Variants in TTC28 observed in about 807,000 individuals in gnomAD.
The protein encoded by TTC28 is tetratricopeptide repeat protein 28.
In TTC28, 61 loss-of-function variants were observed where a neutral mutation model predicts 198.0. The ratio of observed to expected loss-of-function variants is 0.31; its 90% CI spans 0.25 to 0.38. TTC28 has a LOEUF of 0.38. Ranked by LOEUF, TTC28 falls within the 10% of genes least tolerant of loss-of-function variation. The probability of loss-of-function intolerance (pLI) is 1.00; values close to 1 mark genes in which losing one functional copy is unlikely to be tolerated. For synonymous variants in TTC28, 1,171 were observed against 1,297.8 expected (o/e 0.90, Z 2.10); for missense variants, 2,678 against 3,164.0 (o/e 0.85, Z 3.69).
intron 2 of TTC28, among the ~76,000 whole-genome samples, chr22:28,574,923 G>A (rs189485509): frequency 1.6e-3 from 243 of 151,866 alleles, no homozygotes; most frequent in Non-Finnish European, 2.1e-3. Context: ...TATTCTGATT[G>A]TTAATCCCTT....
chr22:28,673,149 C>T (rs908387063), intron 1 of TTC28, among the ~76,000 whole-genome samples: 3 of 152,074 alleles, frequency 2.0e-5, no homozygotes, highest in South Asian at 4.2e-4. Context: ...CTGAGGCGGG[C>T]GGATCACGAG....
chr22:28,352,646 A>G (rs1458139645), intron 2 of TTC28, among the ~76,000 whole-genome samples: 2 of 152,042 alleles, frequency 1.3e-5, no homozygotes, highest in African/African-American at 2.4e-5. Flanking sequence ...AGCAAGAGGT[A>G]CCCAGGCTGC....
At chr22:28,534,940 A>T (rs2049234329) in intron 2 of TTC28, among the ~76,000 whole-genome samples, 1 of 152,132 alleles carries the variant, frequency 6.6e-6, no homozygotes, top group Admixed American at 6.6e-5. Context: ...CAGGGGTAGT[A>T]TGAGGAGATA....
Position 28,001,587 on chromosome 22 carries a change from G to A in TTC28, c.4219-34C>T, listed in dbSNP as rs918683120. On this transcript the variant is annotated intron_variant, in intron 14 of 22. Transcript: ENST00000397906. ...CAAGCACGGAGAGGCTGACATGGGT[G>A]GCCCAGCAGGCAGGGGTTTCAGGCA... The A allele has an allele frequency of 2.1e-5, 32 of 1,536,544 alleles. 1 individual carries two copies. The highest frequency in any genetic ancestry group is 2.6e-5 in the Non-Finnish European group (30 of 1,136,930).
intron 2 of TTC28, among the ~76,000 whole-genome samples, chr22:28,619,376 A>T (rs542899514): frequency 6.6e-6 from 1 of 152,368 alleles, no homozygotes; most frequent in East Asian, 1.9e-4. Context: ...TTCAGCTAAT[A>T]AGGAGGAACA....
intron 2 of TTC28, among the ~76,000 whole-genome samples, chr22:28,346,531 A>G (rs888930573): frequency 6.6e-6 from 1 of 152,212 alleles, no homozygotes; most frequent in Non-Finnish European, 1.5e-5. Context: ...GCCACAGAAT[A>G]CCAGGGAAAG....
intron 2 of TTC28, among the ~76,000 whole-genome samples, chr22:28,352,036 A>G (rs1254261631): frequency 6.6e-6 from 1 of 152,128 alleles, no homozygotes. Flanking sequence ...CCACCCTCTA[A>G]TTCAGTTCAC....
intron 12 of TTC28, among the ~76,000 whole-genome samples, chr22:28,073,594 A>G (rs1941067094): frequency 6.6e-6 from 1 of 152,244 alleles, no homozygotes; most frequent in Non-Finnish European, 1.5e-5. Flanking sequence ...TTCTTTCTCC[A>G]GGTCTCCGCA....
At chr22:28,650,043 T>C (rs1310898279) in intron 1 of TTC28, among the ~76,000 whole-genome samples, 1 of 152,142 alleles carries the variant, frequency 6.6e-6, no homozygotes, top group Non-Finnish European at 1.5e-5. Flanking sequence ...TATCAATTTT[T>C]GTGAAGGTAT....
intron 2 of TTC28, among the ~76,000 whole-genome samples, chr22:28,458,271 T>C (rs1477408882): frequency 6.6e-6 from 1 of 152,124 alleles, no homozygotes; most frequent in Non-Finnish European, 1.5e-5. Flanking sequence ...TTTCTACAGA[T>C]ACAAAAATAA....
intron 2 of TTC28, among the ~76,000 whole-genome samples, chr22:28,328,535 C>A (rs2045566299): frequency 9.9e-5 from 15 of 151,842 alleles, no homozygotes; most frequent in Admixed American, 9.8e-4. Flanking sequence ...GGGTGGATCA[C>A]CCTAGGTTAG....
At position 27,983,640 on chromosome 22, in the gene TTC28, C is replaced by T. The variant is rs749449035; in HGVS notation, c.6027G>A (p.Glu2009=). 6.5e-7 allele frequency: 1 copy of T among 1,543,294 alleles called. No individual in the cohort carries two copies. The highest frequency in any genetic ancestry group is 1.4e-5 in the African/African-American group (1 of 72,732). ...CGGGGCCTCCACCCTCTGATCCACCCTCGGGTTTGGAGACAAAGCTCATTG... is the reference window on the plus strand; with the variant it reads ...CGGGGCCTCCACCCTCTGATCCACCTTCGGGTTTGGAGACAAAGCTCATTG... The part of the protein sequence containing the change: ...ASSMSFVSKP[E]GGSEGGGPGG... Residue 2009 remains glutamate (E), a synonymous_variant, in exon 23 of 23, where the codon GAG becomes GAA. Coordinates refer to ENST00000397906, the MANE Select transcript of TTC28 (RefSeq NM_001145418.2).
chr22:28,601,976 TATTA>T (rs1168521231), intron 2 of TTC28, among the ~76,000 whole-genome samples: 1 of 150,874 alleles, frequency 6.6e-6, no homozygotes, highest in African/African-American at 2.4e-5. Context: ...AGCACAAAAA[TATTA>T]GTTATCCCTT....
At chr22:28,057,595 G>A (rs897892902) in intron 12 of TTC28, among the ~76,000 whole-genome samples, 23 of 152,088 alleles carry the variant, frequency 1.5e-4, no homozygotes, top group South Asian at 1.5e-3. Flanking sequence ...TTTGATGAGC[G>A]TAAGTTTTAA....
chr22:28,540,741 T>C (rs560891665), intron 2 of TTC28, among the ~76,000 whole-genome samples: 180 of 152,334 alleles, frequency 1.2e-3, no homozygotes, highest in African/African-American at 3.8e-3. Flanking sequence ...GATTATAATA[T>C]AGAATCACAG....
At chr22:28,563,628 C>T (rs2146001209) in intron 2 of TTC28, among the ~76,000 whole-genome samples, 1 of 152,204 alleles carries the variant, frequency 6.6e-6, no homozygotes, top group Non-Finnish European at 1.5e-5. Context: ...ACTAGACTGA[C>T]TATAATTTTA....
intron 5 of TTC28, among the ~76,000 whole-genome samples, chr22:28,210,026 G>T (rs898829183): frequency 6.6e-6 from 1 of 152,132 alleles, no homozygotes; most frequent in African/African-American, 2.4e-5. Context: ...TGGCAAACAG[G>T]GTCTGCAGTG....
At chr22:28,174,301 A>G (rs1922956038) in intron 5 of TTC28, among the ~76,000 whole-genome samples, 1 of 152,242 alleles carries the variant, frequency 6.6e-6, no homozygotes, top group African/African-American at 2.4e-5. Context: ...AGAACTCAGC[A>G]ATAAGATGCT....
intron 12 of TTC28, among the ~76,000 whole-genome samples, chr22:28,074,957 G>A (rs967878741): frequency 1.4e-4 from 22 of 152,066 alleles, no homozygotes; most frequent in African/African-American, 5.1e-4. Context: ...AAAATTAGCC[G>A]AGTGTGGTGG....
Sources: allele counts gnomAD v4.1 joint callset (sites outside exome capture counted in the v4.1 genomes callset), GRCh38; gene constraint gnomAD v4.1.1; transcripts MANE v1.5; gene names NCBI Gene and HGNC (gene_info 2026-07-23, HGNC 2026-07-21).